Variants in MYO7A observed in about 807,000 individuals in gnomAD.
MYO7A encodes the protein myosin VIIA, also known as unconventional myosin-VIIa.
In MYO7A, 210 loss-of-function variants were observed where a neutral mutation model predicts 263.8. The ratio of observed to expected loss-of-function variants is 0.80; its 90% CI spans 0.71 to 0.89. MYO7A has a LOEUF of 0.89. Among genes scored for constraint, MYO7A ranks in the 40% least tolerant of loss-of-function variants. The probability of loss-of-function intolerance (pLI) is 0.00; values close to 1 mark genes in which losing one functional copy is unlikely to be tolerated. For missense variants in MYO7A, 2,820 were observed against 2,968.3 expected (o/e 0.95, Z 1.16); for synonymous variants, 1,239 against 1,197.3 (o/e 1.03, Z -0.72).
At chr11:77,186,215 C>T (rs569869431) in intron 27 of MYO7A, among the ~76,000 whole-genome samples, 1 of 152,256 alleles carries the variant, frequency 6.6e-6, no homozygotes, top group African/African-American at 2.4e-5. Flanking sequence ...CCCCTGCAGC[C>T]AGCCTCTTGT....
In MYO7A at chr11:77,190,806, T is replaced by C; in HGVS notation, c.3860T>C (p.Leu1287Pro). 1 of 1,592,174 alleles carries C rather than the reference T, an allele frequency of 6.3e-7. No individual in the cohort carries two copies. The highest frequency in any genetic ancestry group is 8.5e-7 in the Non-Finnish European group (1 of 1,169,902). ...ATTAKELCNALADKISLKDRF... is the reference protein window; with the variant it reads ...ATTAKELCNAPADKISLKDRF... ...ACGGCCAAGGAGCTCTGCAACGCGC[T>C]GGCCGACAAGATCTCTCTCAAGGAC... The change falls in exon 30 of 49, where the codon CTG (leucine) becomes CCG (proline). Residue 1287 changes from leucine to proline, a missense_variant. Leu to Pro is a moderately conservative substitution (Grantham distance 98, BLOSUM62 -3). Coordinates refer to ENST00000409709, the MANE Select transcript of MYO7A (RefSeq NM_000260.4).
At chr11:77,174,289 G>C (rs372014955) in intron 16 of MYO7A, among the ~76,000 whole-genome samples, 3 of 152,112 alleles carry the variant, frequency 2.0e-5, no homozygotes, top group Non-Finnish European at 4.4e-5. Context: ...TACCTGCAAC[G>C]TGAAAGGTCC....
At chr11:77,179,636 C>G (rs1954995331) in intron 20 of MYO7A, 99 bp from the exon 21 acceptor site, 1 of 1,107,156 alleles carries the variant, frequency 9.0e-7, no homozygotes, top group African/African-American at 1.6e-5. Context: ...CTGGGGGTGC[C>G]TGTCTGAGAG....
chr11:77,152,794 A>G lies in MYO7A; in HGVS notation c.286-3113A>G, dbSNP rs190269920. 2.6e-3 allele frequency among the ~76,000 whole-genome samples: 396 copies of G among 152,230 alleles called. 3 individuals carry two copies. Among genetic ancestry groups the G allele is most frequent in the African/African-American group, 7.1e-3 (295 of 41,546 alleles). On this transcript the variant is annotated intron_variant, in intron 4 of 48. Transcript: ENST00000409709. ...AGACCTGTGGGTATGATGATTGTAC[A>G]GGAAGGTGCCTGGCTTCCTGGAGGA...
Position 77,160,299 on chromosome 11 carries a change from G to T in MYO7A, c.1200+17G>T. 1.6e-5 allele frequency: 25 copies of T among 1,550,432 alleles called. No homozygotes were observed. Among genetic ancestry groups the T allele is most frequent in the Non-Finnish European group, 2.1e-5 (24 of 1,147,994 alleles). ...TTCGTAAAGGTGGGCTGGAGGGAAG[G>T]GGCCGCTTGCTCGCCCTACCCCTTG... On this transcript the variant is annotated intron_variant, in intron 11 of 48. Transcript: ENST00000409709.
In MYO7A at chr11:77,182,112, C is replaced by CG; in HGVS notation, c.3066_3067insG (p.Lys1023GlufsTer8). Reference sequence around the variant, plus strand: ...CGCACTCCTACACCCGGCGGCCACTCAAACAGCCACTGCTCTACCATGACG... The same window carrying CG: ...CGCACTCCTACACCCGGCGGCCACTCGAAACAGCCACTGCTCTACCATGACG... On this transcript the variant is annotated frameshift_variant, in exon 24 of 49. Coordinates refer to ENST00000409709, the MANE Select transcript of MYO7A (RefSeq NM_000260.4). LOFTEE classifies it high-confidence loss of function. The CG allele has an allele frequency of 1.2e-6, 2 of 1,613,412 alleles. No homozygotes were observed. Among genetic ancestry groups the CG allele is most frequent in the Non-Finnish European group, 1.7e-6 (2 of 1,179,866 alleles).
At chr11:77,164,833 A>G (rs548816471) in intron 14 of MYO7A, among the ~76,000 whole-genome samples, 2 of 152,338 alleles carry the variant, frequency 1.3e-5, no homozygotes, top group South Asian at 2.1e-4. Context: ...CATCTACCTT[A>G]ATAGAATTGG....
At chr11:77,192,812 G>C in intron 31 of MYO7A, among the ~76,000 whole-genome samples, 1 of 1,240 alleles carries the variant, frequency 8.1e-4, no homozygotes, top group Non-Finnish European at 2.3e-3. Context: ...CGTTGGTGGA[G>C]GTAGTGATGA....
chr11:77,146,349 G>C (rs1440412618), intron 3 of MYO7A, among the ~76,000 whole-genome samples: 2 of 152,192 alleles, frequency 1.3e-5, no homozygotes, highest in Admixed American at 1.3e-4. Flanking sequence ...CAGAGTGACA[G>C]GGTCAGGAGG....
chr11:77,212,627 C>T (rs1178126071), intron 46 of MYO7A: 1 of 430,134 alleles, frequency 2.3e-6, no homozygotes, highest in Non-Finnish European at 4.3e-6. Context: ...GGATGGGAGG[C>T]CTTTTGAGGA....
chr11:77,160,933 A>T, intron 11 of MYO7A, 40 bp from the exon 12 acceptor site: 1 of 1,579,528 alleles, frequency 6.3e-7, no homozygotes, highest in South Asian at 1.2e-5. Flanking sequence ...CCCCCGGGGG[A>T]GGGTGTGGCT....
In MYO7A at chr11:77,160,294, G is replaced by A. The variant is rs1555067695; in HGVS notation, c.1200+12G>A. 6.4e-7 allele frequency: 1 copy of A among 1,552,190 alleles called. No individual in the cohort carries two copies. ...ACGCCTTCGTAAAGGTGGGCTGGAG[G>A]GAAGGGGCCGCTTGCTCGCCCTACC... is the stretch of plus-strand genomic sequence containing the variant. On this transcript the variant is annotated intron_variant, in intron 11 of 48. Coordinates refer to ENST00000409709, the MANE Select transcript of MYO7A (RefSeq NM_000260.4).
Position 77,201,494 on chromosome 11 carries a change from C to T in MYO7A, c.4899C>T (p.Ile1633=). 2.5e-6 allele frequency: 4 copies of T among 1,613,988 alleles called. No homozygotes were observed. The highest frequency in any genetic ancestry group is 3.4e-6 in the Non-Finnish European group (4 of 1,179,890). ...TCAGCTTTGCCAAGGGAGACCTCAT[C>T]ATCCTGGACCATGACACGGGCGAGC... is the stretch of plus-strand genomic sequence containing the variant. ...GFLSFAKGDL[I]ILDHDTGEQV... Residue 1633 remains isoleucine (I), a synonymous_variant, in exon 36 of 49, where the codon ATC becomes ATT. Coordinates refer to ENST00000409709, the MANE Select transcript of MYO7A (RefSeq NM_000260.4).
chr11:77,207,478 G>C (rs1957529071), intron 42 of MYO7A, 76 bp downstream of exon 42: 1 of 1,080,274 alleles, frequency 9.3e-7, no homozygotes, highest in African/African-American at 1.6e-5. Flanking sequence ...AGACGGAAGA[G>C]AGAGGAACTG....
chr11:77,142,833 C>T lies in MYO7A; in HGVS notation c.132+11C>T. 1 of 1,583,920 alleles carries T rather than the reference C, an allele frequency of 6.3e-7. No homozygotes were observed. On this transcript the variant is annotated intron_variant, in intron 3 of 48. Coordinates refer to ENST00000409709, the MANE Select transcript of MYO7A (RefSeq NM_000260.4). ...GATGATGAAGACAATGTGAGTAGTC[C>T]CCTCCCTCCTCCTGCCCCATGCCTT...
intron 27 of MYO7A, among the ~76,000 whole-genome samples, chr11:77,189,040 T>G (rs554535097): frequency 2.2e-4 from 33 of 152,304 alleles, no homozygotes; most frequent in African/African-American, 7.7e-4. Context: ...CATGGTCACC[T>G]GTGGCTGTGG....
chr11:77,169,342 C>T (rs527311219), intron 15 of MYO7A, among the ~76,000 whole-genome samples: 7 of 152,380 alleles, frequency 4.6e-5, no homozygotes, highest in Admixed American at 1.3e-4. Flanking sequence ...AAAGGCAGCT[C>T]TTCTAGGATA....
At chr11:77,189,525 C>G in intron 28 of MYO7A, 55 bp downstream of exon 28, 1 of 1,605,144 alleles carries the variant, frequency 6.2e-7, no homozygotes, top group African/African-American at 1.3e-5. Context: ...CCTGTCCCAG[C>G]ACTGTGGGGA....
At chr11:77,155,192 G>A (rs556997939) in intron 4 of MYO7A, among the ~76,000 whole-genome samples, 3 of 152,340 alleles carry the variant, frequency 2.0e-5, no homozygotes, top group Admixed American at 2.0e-4. Flanking sequence ...AGGACCTCAA[G>A]GCCACAACAG....
Sources: allele counts gnomAD v4.1 joint callset (sites outside exome capture counted in the v4.1 genomes callset), GRCh38; gene constraint gnomAD v4.1.1; transcripts MANE v1.5; gene names NCBI Gene and HGNC (gene_info 2026-07-23, HGNC 2026-07-21).